Variants in SERPINC1 observed in about 807,000 individuals in gnomAD.
SERPINC1 encodes antithrombin-III.
Under a neutral mutation model 43.4 loss-of-function variants are expected in SERPINC1, and 12 were observed. The ratio of observed to expected loss-of-function variants is 0.28; its 90% CI spans 0.18 to 0.45. SERPINC1 has a LOEUF of 0.45. Ranked by LOEUF, SERPINC1 falls within the 20% of genes least tolerant of loss-of-function variation. SERPINC1 has a pLI of 1.00. For synonymous variants in SERPINC1, 210 were observed against 218.9 expected, an observed-to-expected ratio of 0.96 and a Z score of 0.36; for missense variants, 423 against 578.8, an observed-to-expected ratio of 0.73 and a Z score of 2.76.
At chr1:173,915,102 G>A in intron 1 of SERPINC1, 183 bp from the exon 2 acceptor site, 2 of 1,462,440 alleles carry the variant, frequency 1.4e-6, no homozygotes, top group Non-Finnish European at 1.8e-6. Context: ...CTTGCCAGGG[G>A]ACAGTTCAGT....
chr1:173,912,058 C>T lies in SERPINC1; in HGVS notation c.409-44G>A, dbSNP rs771712837. The T allele has an allele frequency of 1.5e-5, 22 of 1,434,416 alleles. No homozygotes were observed. In the South Asian group the frequency reaches 2.4e-4, roughly 16 times the overall value. 88.9% of individuals were successfully genotyped at this position (1,434,416 alleles called of 1,614,324 possible). A position where few individuals can be genotyped will look rare whatever the true frequency, so the allele number is the denominator to read the frequency against. The stretch of plus-strand genomic sequence containing the variant: ...AATGGTGGTGGGTTTGGTGGGCTGC[C>T]TAGTTAACATGGGTGGTGAGCACAT... On this transcript the variant is annotated intron_variant, in intron 2 of 6. Transcript: ENST00000367698.
At chr1:173,915,835 G>A (rs1657966384) in intron 1 of SERPINC1, among the ~76,000 whole-genome samples, 1 of 152,202 alleles carries the variant, frequency 6.6e-6, no homozygotes, top group Non-Finnish European at 1.5e-5. Context: ...GTTCTTCAGG[G>A]AAACAGGACC....
chr1:173,910,820 A>G lies in SERPINC1; in HGVS notation c.696T>C (p.Asp232=), dbSNP rs1266541671. ...VSNKTEGRIT[D]VIPSEAINEL... Reference sequence around the variant, plus strand: ...CATTGATGGCTTCCGAGGGAATGACATCGGTGATTCGGCCTTCGGTCTTAT... The same window carrying G: ...CATTGATGGCTTCCGAGGGAATGACGTCGGTGATTCGGCCTTCGGTCTTAT... The change falls in exon 4 of 7, where the codon GAT becomes GAC. Residue 232 remains aspartate, a synonymous_variant. Coordinates refer to ENST00000367698, the MANE Select transcript of SERPINC1 (RefSeq NM_000488.4). 1.2e-6 allele frequency: 2 copies of G among 1,613,968 alleles called. No homozygotes were observed. Among genetic ancestry groups the G allele is most frequent in the Non-Finnish European group, 1.7e-6 (2 of 1,179,828 alleles).
At chr1:173,905,139 A>G (rs1657439462) in intron 6 of SERPINC1, among the ~76,000 whole-genome samples, 2 of 152,306 alleles carry the variant, frequency 1.3e-5, no homozygotes, top group East Asian at 3.9e-4. Context: ...AGGATATTCA[A>G]TGAGAGTTAA....
chr1:173,906,131 C>T (rs1318194556), intron 6 of SERPINC1, among the ~76,000 whole-genome samples: 1 of 152,138 alleles, frequency 6.6e-6, no homozygotes, highest in Non-Finnish European at 1.5e-5. Context: ...ATAGTCTATA[C>T]CAGTGGTTCC....
intron 5 of SERPINC1, among the ~76,000 whole-genome samples, chr1:173,908,382 T>G (rs1657618394): frequency 6.8e-6 from 1 of 147,272 alleles, no homozygotes; most frequent in Non-Finnish European, 1.5e-5. Context: ...CCTAGCTCCT[T>G]GGGAGGCTGA....
rs483352856 is a variant in SERPINC1, at chr1:173,909,689, C to G, written c.1016G>C (p.Trp339Ser). The G allele has an allele frequency of 1.2e-6, 2 of 1,613,872 alleles. No homozygotes were observed. The highest frequency in any genetic ancestry group is 1.7e-6 in the Non-Finnish European group (2 of 1,179,864). ...CATCATCTCCTCCAATTCATCCAGC[C>G]ACTCTTGCAGCACCTCTGGGGTGAG... ...KELTPEVLQE[W>S]LDELEEMMLV... Residue 339 changes from tryptophan (W) to serine (S), a missense_variant, in exon 5 of 7, where the codon TGG becomes TCG. Trp to Ser is a radical substitution (Grantham distance 177). Transcript: ENST00000367698.
intron 1 of SERPINC1, among the ~76,000 whole-genome samples, chr1:173,915,972 A>G (rs1657972225): frequency 6.6e-6 from 1 of 152,068 alleles, no homozygotes; most frequent in East Asian, 1.9e-4. Context: ...GTCAAACCCC[A>G]GAGTCAATCA....
At chr1:173,911,017 T>TTG in intron 3 of SERPINC1, 126 bp from the exon 4 acceptor site, 1 of 1,050,998 alleles carries the variant, frequency 9.5e-7, no homozygotes, top group Non-Finnish European at 1.5e-6. Context: ...AAGAAGCCAT[T>TTG]GCTCTAACCC....
intron 5 of SERPINC1, among the ~76,000 whole-genome samples, chr1:173,909,100 T>TAGCA (rs1335190656): frequency 6.6e-6 from 1 of 151,974 alleles, no homozygotes; most frequent in Non-Finnish European, 1.5e-5. Flanking sequence ...GAGGCAGAGG[T>TAGCA]TGCAGTGAGC....
At chr1:173,912,755 C>T (rs941988) in intron 2 of SERPINC1, among the ~76,000 whole-genome samples, 15,172 of 152,066 alleles carry the variant, frequency 0.1, 937 homozygotes, top group East Asian at 0.31. Flanking sequence ...CAGAGAGATT[C>T]AGTCTCACCC....
chr1:173,907,432 TG>T lies in SERPINC1; in HGVS notation c.1218+17del. 1.3e-6 allele frequency: 2 copies of T among 1,584,914 alleles called. No individual in the cohort carries two copies. The highest frequency in any genetic ancestry group is 1.7e-6 in the Non-Finnish European group (2 of 1,153,704). On this transcript the variant is annotated intron_variant, in intron 6 of 6. Coordinates refer to ENST00000367698, the MANE Select transcript of SERPINC1 (RefSeq NM_000488.4). ...ATCTCCTTTCTGTACCCTAAGAGAG[TG>T]GGGAAGGTGTACTCACCTCAAGAAA...
chr1:173,916,009 T>G (rs1395615571), intron 1 of SERPINC1, among the ~76,000 whole-genome samples: 2 of 151,884 alleles, frequency 1.3e-5, no homozygotes, highest in East Asian at 1.9e-4. Context: ...ATCAGTTCTG[T>G]TTTTTTACTC....
intron 4 of SERPINC1, 140 bp downstream of exon 4, chr1:173,910,614 G>C: frequency 2.9e-6 from 2 of 700,958 alleles, no homozygotes; most frequent in Non-Finnish European, 2.5e-6. Flanking sequence ...AGATTGACCT[G>C]CCCTGCTGAC....
intron 6 of SERPINC1, among the ~76,000 whole-genome samples, chr1:173,907,108 G>GCT (rs1168165797): frequency 1.7e-4 from 25 of 148,190 alleles, no homozygotes; most frequent in African/African-American, 6.1e-4. Context: ...AGCGAACGAA[G>GCT]CTCTGTCTCA....
intron 4 of SERPINC1, among the ~76,000 whole-genome samples, chr1:173,910,374 CAAG>C (rs1018390804): frequency 1.3e-5 from 2 of 151,978 alleles, no homozygotes; most frequent in Non-Finnish European, 2.9e-5. Flanking sequence ...GTCAGGAGAT[CAAG>C]ACTATCCTGG....
intron 2 of SERPINC1, among the ~76,000 whole-genome samples, chr1:173,912,792 T>C (rs1022314109): frequency 1.3e-5 from 2 of 152,046 alleles, no homozygotes; most frequent in African/African-American, 4.8e-5. Flanking sequence ...GGCGTTTGTG[T>C]AGAGGGGAGG....
intron 6 of SERPINC1, among the ~76,000 whole-genome samples, chr1:173,905,947 C>T (rs1053606381): frequency 3.3e-5 from 5 of 152,156 alleles, no homozygotes; most frequent in South Asian, 2.1e-4. Context: ...TCCTCGCTCC[C>T]GTTAAAATTC....
At chr1:173,907,561 C>T in intron 5 of SERPINC1, 47 bp from the exon 6 acceptor site, 1 of 1,383,476 alleles carries the variant, frequency 7.2e-7, no homozygotes, top group Non-Finnish European at 1.0e-6. Context: ...AGAAAGTTGG[C>T]TTCAACCCAC....
Sources: allele counts gnomAD v4.1 joint callset (sites outside exome capture counted in the v4.1 genomes callset), GRCh38; gene constraint gnomAD v4.1.1; transcripts MANE v1.5; gene names NCBI Gene and HGNC (gene_info 2026-07-23, HGNC 2026-07-21).